Variants in FBN1 observed in about 807,000 individuals in gnomAD.
The protein encoded by FBN1 is fibrillin 1, also known as fibrillin-1.
A neutral mutation model predicts 365.1 loss-of-function variants in FBN1; 29 were observed. That is an observed-to-expected ratio of 0.08 (90% CI 0.06 to 0.11). The LOEUF is 0.11. Among genes scored for constraint, FBN1 ranks in the 10% least tolerant of loss-of-function variants. The pLI, the probability that FBN1 is intolerant of heterozygous loss-of-function variation, is 1.00. For missense variants in FBN1, 2,476 were observed against 3,703.2 expected, an observed-to-expected ratio of 0.67 and a Z score of 8.60; for synonymous variants, 1,210 against 1,270.5, an observed-to-expected ratio of 0.95 and a Z score of 1.01.
Position 48,544,014 on chromosome 15 carries a change from C to T in FBN1, c.539-6206G>A, listed in dbSNP as rs564769186. On this transcript the variant is annotated intron_variant, in intron 6 of 65. Coordinates refer to ENST00000316623, the MANE Select transcript of FBN1 (RefSeq NM_000138.5). ...CATATGTGTACATACACATAGAGAG[C>T]TATTATGTGTATAAAAGTGGGAACA... 9.0e-4 allele frequency among the ~76,000 whole-genome samples: 136 copies of T among 151,724 alleles called. 1 individual carries two copies. The highest frequency in any genetic ancestry group is 3.3e-3 in the South Asian group (16 of 4,782).
At position 48,520,645 on chromosome 15, in the gene FBN1, G is replaced by T. The variant is rs1597583945; in HGVS notation, c.1147+14C>A. On this transcript the variant is annotated intron_variant, in intron 10 of 65. Coordinates refer to ENST00000316623, the MANE Select transcript of FBN1 (RefSeq NM_000138.5). ...GGGATGGGATATTCTGCAGATAACT[G>T]GAAGGGCTCTTACCGGTTGCTCTGA... The T allele has an allele frequency of 6.8e-6, 11 of 1,613,748 alleles. 1 individual carries two copies. In the South Asian group the frequency reaches 1.2e-4, roughly 18 times the overall value.
At position 48,489,200 on chromosome 15, in the gene FBN1, A is replaced by ATT. The variant is rs756179079; in HGVS notation, c.3082+649_3082+650dup. Among the ~76,000 whole-genome samples the ATT allele has an allele frequency of 0.011, 537 of 48,458 alleles. 87 individuals are homozygous for ATT. In the East Asian group the frequency reaches 0.19, roughly 17 times the overall value. 31.8% of individuals were successfully genotyped at this position (48,458 alleles called of 152,430 possible). ...CAGGTGTGCACCACCATGCCTAGATATTTTTTTTTTTTTTTTTTTTTTTTT... is the reference window on the plus strand; with the variant it reads ...CAGGTGTGCACCACCATGCCTAGATATTTTTTTTTTTTTTTTTTTTTTTTTTT... On this transcript the variant is annotated intron_variant, in intron 25 of 65. Transcript: ENST00000316623.
At chr15:48,631,345 T>C (rs1889986263) in intron 2 of FBN1, among the ~76,000 whole-genome samples, 1 of 152,200 alleles carries the variant, frequency 6.6e-6, no homozygotes, top group Admixed American at 6.5e-5. Context: ...GCTGCCAATC[T>C]GAGTCAGCCT....
intron 52 of FBN1, 42 bp downstream of exon 52, chr15:48,437,280 A>G: frequency 6.4e-7 from 1 of 1,557,414 alleles, no homozygotes; most frequent in Non-Finnish European, 8.9e-7. Context: ...AAGCAGATTG[A>G]GAATACTGAG....
At chr15:48,608,350 A>G (rs1372745028) in intron 4 of FBN1, among the ~76,000 whole-genome samples, 1 of 152,168 alleles carries the variant, frequency 6.6e-6, no homozygotes, top group Admixed American at 6.5e-5. Flanking sequence ...TTTTTAGTAG[A>G]ACCACATGTA....
chr15:48,627,369 C>T (rs768215094), intron 2 of FBN1, among the ~76,000 whole-genome samples: 3 of 152,292 alleles, frequency 2.0e-5, no homozygotes, highest in Non-Finnish European at 4.4e-5. Flanking sequence ...CTGCACCCTC[C>T]GGTAAAAACA....
chr15:48,611,846 T>A (rs2044659327), intron 3 of FBN1, among the ~76,000 whole-genome samples: 1 of 152,218 alleles, frequency 6.6e-6, no homozygotes, highest in African/African-American at 2.4e-5. Flanking sequence ...GATCTTTTCC[T>A]CAAGCTCCTG....
chr15:48,527,237 C>T (rs1405375572), intron 8 of FBN1, among the ~76,000 whole-genome samples: 1 of 152,218 alleles, frequency 6.6e-6, no homozygotes, highest in Non-Finnish European at 1.5e-5. Context: ...GGCTTGACAC[C>T]ACTGGTTCCC....
intron 2 of FBN1, chr15:48,641,331 G>A (rs187195433): frequency 1.3e-5 from 2 of 152,102 alleles, no homozygotes; most frequent in East Asian, 3.8e-4. Flanking sequence ...TGCAACAGGG[G>A]GGGAGGAGAG....
chr15:48,460,301 G>T lies in FBN1; in HGVS notation c.5241C>A (p.Leu1747=). The T allele has an allele frequency of 6.2e-7, 1 of 1,612,960 alleles. No individual in the cohort carries two copies. The highest frequency in any genetic ancestry group is 1.3e-5 in the African/African-American group (1 of 75,030). ...CAAAGCCTGGCCTTTGACTTCCACA[G>T]AGTGTAGCAAACTCATCTGCAATGA... ...PIPSTDEFAT[L]CGSQRPGFVI... is the part of the protein sequence containing the mutation. Residue 1747 remains leucine (L), a synonymous_variant, in exon 43 of 66, where the codon CTC becomes CTA. Coordinates refer to ENST00000316623, the MANE Select transcript of FBN1 (RefSeq NM_000138.5).
At chr15:48,425,941 T>A in intron 58 of FBN1, 77 bp from the exon 59 acceptor site, 1 of 1,100,264 alleles carries the variant, frequency 9.1e-7, no homozygotes, top group Non-Finnish European at 1.4e-6. Flanking sequence ...CACTTCAGTG[T>A]AAATACTAAT....
intron 7 of FBN1, among the ~76,000 whole-genome samples, chr15:48,536,308 C>T (rs546665950): frequency 6.6e-6 from 1 of 152,034 alleles, no homozygotes; most frequent in Non-Finnish European, 1.5e-5. Context: ...ATTTATGAAA[C>T]GAATAGCAAA....
intron 56 of FBN1, among the ~76,000 whole-genome samples, chr15:48,429,059 T>C (rs1471258892): frequency 2.0e-5 from 3 of 151,754 alleles, no homozygotes; most frequent in Non-Finnish European, 4.4e-5. Context: ...GCCTAACTGA[T>C]AGCATTTTAT....
intron 2 of FBN1, among the ~76,000 whole-genome samples, chr15:48,620,610 AC>A (rs1445620104): frequency 6.6e-6 from 1 of 151,930 alleles, no homozygotes; most frequent in Admixed American, 6.6e-5. Flanking sequence ...ATTTTTTGTT[AC>A]TTTTTCACTT....
chr15:48,420,361 A>T (rs2042930502), intron 63 of FBN1, among the ~76,000 whole-genome samples: 2 of 152,174 alleles, frequency 1.3e-5, no homozygotes, highest in Admixed American at 1.3e-4. Context: ...AGTCATAAGT[A>T]AGATTTTTTG....
intron 6 of FBN1, among the ~76,000 whole-genome samples, chr15:48,582,515 G>A (rs1390678078): frequency 6.6e-6 from 1 of 152,184 alleles, no homozygotes; most frequent in Admixed American, 6.5e-5. Context: ...CAAACAGTGT[G>A]TTGCTAGGTG....
chr15:48,616,040 C>T (rs1349338753), intron 2 of FBN1, among the ~76,000 whole-genome samples: 1 of 152,190 alleles, frequency 6.6e-6, no homozygotes, highest in African/African-American at 2.4e-5. Flanking sequence ...TCACTTAAAG[C>T]AATAACTAGA....
chr15:48,593,646 C>T (rs1234433663), intron 6 of FBN1, among the ~76,000 whole-genome samples: 1 of 152,102 alleles, frequency 6.6e-6, no homozygotes, highest in Non-Finnish European at 1.5e-5. Context: ...TTTTTTGATG[C>T]TATTAAATGA....
rs137854456 is a variant in FBN1, at chr15:48,487,365, C to T, written c.3410G>A (p.Arg1137His). 23 of 1,614,032 alleles carry T rather than the reference C, an allele frequency of 1.4e-5. No homozygotes were observed. Among genetic ancestry groups the T allele is most frequent in the African/African-American group, 8.0e-5 (6 of 74,928 alleles). Residue 1137 changes from arginine to histidine, a missense_variant, in exon 28 of 66, where the codon CGC becomes CAC. Arg to His is a conservative substitution (Grantham distance 29). Around this residue, in one of 5 missense-constraint regions of FBN1, gnomAD observed 1,780 missense variants for 2,840.8 expected, o/e 0.63. Transcript: ENST00000316623. ...CTGATGGCCAGGCGGGCATTCACAG[C>T]GGTAACTTCCCTCTGTGTTATGGCA... is the stretch of plus-strand genomic sequence containing the variant. ...GVCHNTEGSY[R>H]CECPPGHQLS...
Sources: gnomAD v4.1 joint callset for allele counts (sites outside exome capture counted in the v4.1 genomes callset) on GRCh38, gnomAD v4.1.1 for gene constraint, gnomAD v4.1.1 regional missense constraint, MANE v1.5 for transcripts, NCBI Gene and HGNC (gene_info 2026-07-23, HGNC 2026-07-21) for gene names.